The following RFC3 variants were observed in gnomAD, a reference collection of about 807,000 sequenced individuals.
RFC3 encodes A1 38 kDa subunit.
In RFC3, 41 loss-of-function variants were observed where a neutral mutation model predicts 45.1. That is an observed-to-expected ratio of 0.91 (90% CI 0.71 to 1.18). The LOEUF is 1.18. Ranked by LOEUF, RFC3 falls within the 50% of genes most tolerant of loss-of-function variation. The probability of loss-of-function intolerance (pLI) is 0.00; values close to 1 mark genes in which losing one functional copy is unlikely to be tolerated. For synonymous variants in RFC3, 149 were observed against 144.0 expected, an observed-to-expected ratio of 1.03 and a Z score of -0.25; for missense variants, 423 against 428.1, an observed-to-expected ratio of 0.99 and a Z score of 0.10.
intron 8 of RFC3, among the ~76,000 whole-genome samples, chr13:33,875,199 T>A (rs1405476247): frequency 6.6e-6 from 1 of 152,218 alleles, no homozygotes. Flanking sequence ...TTATGGAGTC[T>A]CATAGAGAAG....
At chr13:33,928,837 G>C (rs758701208) in intron 8 of RFC3, among the ~76,000 whole-genome samples, 6 of 151,528 alleles carry the variant, frequency 4.0e-5, no homozygotes, top group Admixed American at 6.6e-5. Flanking sequence ...CAATGTCTGG[G>C]GGGGGAAGTG....
chr13:33,977,178 G>A, the RFC3 span, among the ~76,000 whole-genome samples: 46 of 152,214 alleles, frequency 3.0e-4, no homozygotes, highest in African/African-American at 1.1e-3. Context: ...AAGGCAACAC[G>A]GTGACTAATG....
downstream of RFC3, among the ~76,000 whole-genome samples, chr13:33,842,411 C>G (rs1362338966): frequency 1.3e-5 from 2 of 152,190 alleles, no homozygotes; most frequent in African/African-American, 2.4e-5. Flanking sequence ...GATGTGAACC[C>G]TCTTTGTCCA....
chr13:33,823,396 G>T (rs962521319), intron 2 of RFC3, among the ~76,000 whole-genome samples: 1 of 152,124 alleles, frequency 6.6e-6, no homozygotes, highest in Admixed American at 6.6e-5. Context: ...CCATCAGTAT[G>T]ACCAGCTTTG....
intron 8 of RFC3, among the ~76,000 whole-genome samples, chr13:33,912,829 A>G (rs9315273): frequency 0.31 from 46,678 of 151,994 alleles, 11,494 homozygotes; most frequent in African/African-American, 0.66. Flanking sequence ...CAGGAATATC[A>G]GCTTGGGGAC....
intron 8 of RFC3, among the ~76,000 whole-genome samples, chr13:33,866,130 G>T (rs2082372076): frequency 6.6e-6 from 1 of 152,192 alleles, no homozygotes; most frequent in Admixed American, 6.5e-5. Context: ...TTCTTGGTTG[G>T]CTAATCAAGT....
intron 2 of RFC3, among the ~76,000 whole-genome samples, chr13:33,821,961 A>C (rs2082007565): frequency 6.6e-6 from 1 of 152,098 alleles, no homozygotes; most frequent in African/African-American, 2.4e-5. Flanking sequence ...ATTTGTTTTG[A>C]CTGTATGTCG....
At chr13:33,932,283 A>G (rs1028344372) in intron 8 of RFC3, among the ~76,000 whole-genome samples, 2 of 152,072 alleles carry the variant, frequency 1.3e-5, no homozygotes, top group African/African-American at 4.8e-5. Context: ...AAAGTTAGTA[A>G]TTTTTGTCTA....
intron 8 of RFC3, among the ~76,000 whole-genome samples, chr13:33,919,997 T>C (rs777260877): frequency 4.6e-5 from 7 of 152,148 alleles, no homozygotes; most frequent in Non-Finnish European, 7.4e-5. Flanking sequence ...GTGGCAGGCA[T>C]ATAAAAGATG....
intron 8 of RFC3, among the ~76,000 whole-genome samples, chr13:33,931,101 G>A (rs2082849081): frequency 6.6e-6 from 1 of 152,010 alleles, no homozygotes; most frequent in Non-Finnish European, 1.5e-5. Flanking sequence ...TTGATTTATG[G>A]ATCCTGGATC....
At chr13:33,908,438 T>C (rs1160188793) in intron 8 of RFC3, among the ~76,000 whole-genome samples, 1 of 151,976 alleles carries the variant, frequency 6.6e-6, no homozygotes, top group Non-Finnish European at 1.5e-5. Flanking sequence ...CTCTATGATG[T>C]AGAAAGCTTG....
chr13:33,909,538 CT>C (rs1258117949), intron 8 of RFC3, among the ~76,000 whole-genome samples: 1 of 152,046 alleles, frequency 6.6e-6, no homozygotes, highest in South Asian at 2.1e-4. Context: ...CCTGTTACCC[CT>C]CTCTCTCTTC....
chr13:33,872,709 G>C (rs950214246), intron 8 of RFC3, among the ~76,000 whole-genome samples: 3 of 151,210 alleles, frequency 2.0e-5, no homozygotes, highest in Non-Finnish European at 4.4e-5. Context: ...CTCCAGGCTG[G>C]GCAACAAGAG....
At chr13:33,910,544 C>G (rs968638274) in intron 8 of RFC3, among the ~76,000 whole-genome samples, 3 of 152,052 alleles carry the variant, frequency 2.0e-5, no homozygotes, top group Non-Finnish European at 4.4e-5. Flanking sequence ...CTAGAGAGAT[C>G]ACCGAAGGCT....
rs530301402 is a variant in RFC3 at position 33,897,466 on chromosome 13, A to G, written c.879+62249A>G. On this transcript the variant is annotated intron_variant, in intron 8 of 8. Coordinates refer to the RFC3 transcript ENST00000434425. ...AATGAATTAAAACATACTGCCAGGG[A>G]AAAAATTACTTAACCATAAAGGAAA... Among the ~76,000 whole-genome samples the G allele has an allele frequency of 1.1e-4, 16 of 152,220 alleles. 1 individual carries two copies. The highest frequency in any genetic ancestry group is 2.6e-4 in the African/African-American group (11 of 41,588).
intron 8 of RFC3, among the ~76,000 whole-genome samples, chr13:33,931,849 A>G (rs1021231576): frequency 2.6e-5 from 4 of 152,140 alleles, no homozygotes; most frequent in African/African-American, 9.7e-5. Flanking sequence ...TTCATTATAA[A>G]GTCAAATTCT....
intron 8 of RFC3, among the ~76,000 whole-genome samples, chr13:33,863,188 G>A (rs75818970): frequency 6.1e-4 from 93 of 152,268 alleles, no homozygotes; most frequent in African/African-American, 2.0e-3. Context: ...AGTTATAACT[G>A]CATCAGTAAT....
intron 8 of RFC3, among the ~76,000 whole-genome samples, chr13:33,942,328 T>C (rs1035190813): frequency 1.3e-5 from 2 of 152,178 alleles, no homozygotes; most frequent in African/African-American, 4.8e-5. Context: ...ATTTTTATTT[T>C]TAATTCTTAC....
intron 8 of RFC3, among the ~76,000 whole-genome samples, chr13:33,855,805 C>T (rs1049260528): frequency 2.6e-5 from 4 of 151,964 alleles, no homozygotes; most frequent in Non-Finnish European, 5.9e-5. Flanking sequence ...ATGTCCTTTG[C>T]CCATATTTAA....
Sources: allele counts gnomAD v4.1 joint callset (sites outside exome capture counted in the v4.1 genomes callset), GRCh38; gene constraint gnomAD v4.1.1; transcripts MANE v1.5; gene names NCBI Gene and HGNC (gene_info 2026-07-23, HGNC 2026-07-21).